The following ERGIC1 variants were observed in gnomAD, a reference collection of about 807,000 sequenced individuals.
ERGIC1 encodes the protein endoplasmic reticulum-golgi intermediate compartment 1, also known as endoplasmic reticulum-Golgi intermediate compartment protein 1.
ERGIC1 carries 19 observed loss-of-function variants against 38.3 expected under a neutral mutation model. The observed-to-expected ratio is 0.50, with a 90% CI of 0.35 to 0.73. The LOEUF (loss-of-function observed/expected upper bound fraction) is 0.73. Among genes scored for constraint, ERGIC1 ranks in the 30% least tolerant of loss-of-function variants. The probability of loss-of-function intolerance (pLI) is 0.01; values close to 1 mark genes in which losing one functional copy is unlikely to be tolerated. For synonymous variants in ERGIC1, 124 were observed against 157.6 expected (o/e 0.79, Z 1.60); for missense variants, 294 against 389.2 (o/e 0.76, Z 2.06).
At chr5:172,914,974 G>A in intron 5 of ERGIC1, 136 bp downstream of exon 5, 1 of 1,394,422 alleles carries the variant, frequency 7.2e-7, no homozygotes, top group Non-Finnish European at 1.0e-6. Context: ...TTCGTGTCCA[G>A]CTGCCTGGCC....
At chr5:172,895,962 C>A (rs187337094) in intron 2 of ERGIC1, among the ~76,000 whole-genome samples, 83 of 152,168 alleles carry the variant, frequency 5.5e-4, no homozygotes, top group African/African-American at 2.0e-3. Flanking sequence ...GGTCCACAAA[C>A]CCCAGTGTCT....
chr5:172,840,215 G>A (rs1761128657), intron 1 of ERGIC1, among the ~76,000 whole-genome samples: 1 of 152,166 alleles, frequency 6.6e-6, no homozygotes, highest in Non-Finnish European at 1.5e-5. Context: ...GCGGGGACAT[G>A]GAATGAGATG....
At chr5:172,870,199 C>T (rs1181155895) in intron 1 of ERGIC1, among the ~76,000 whole-genome samples, 1 of 152,170 alleles carries the variant, frequency 6.6e-6, no homozygotes, top group South Asian at 2.1e-4. Flanking sequence ...CTTTGCTTTG[C>T]GTATTATTTT....
rs34909688 is a variant in ERGIC1, at chr5:172,877,410, ATGTGTGTGTGTG to A, written c.21-11269_21-11258del. On this transcript the variant is annotated intron_variant, in intron 1 of 9. Transcript: ENST00000393784. ...AAATTTATCTCTAAATATTATATAT[ATGTGTGTGTGTG>A]TGTGTGTGTGTGTGTGTGTATATAT... Among the ~76,000 whole-genome samples, 449 of 102,346 alleles carry A rather than the reference ATGTGTGTGTGTG, an allele frequency of 4.4e-3. 3 individuals are homozygous for A. The highest frequency in any genetic ancestry group is 7.0e-3 in the Non-Finnish European group (376 of 53,642). The allele number at this position is 102,346 out of a possible 152,430, so 67.1% of individuals were successfully genotyped here. A position where few individuals can be genotyped will look rare whatever the true frequency, so the allele number is the denominator to read the frequency against.
intron 3 of ERGIC1, chr5:172,898,260 G>A (rs1762775701): frequency 5.8e-6 from 1 of 173,548 alleles, no homozygotes; most frequent in African/African-American, 2.4e-5. Flanking sequence ...CATTATACAA[G>A]CATTACCACC....
intron 1 of ERGIC1, among the ~76,000 whole-genome samples, chr5:172,856,023 A>G (rs1581514914): frequency 1.3e-5 from 2 of 152,352 alleles, no homozygotes; most frequent in Admixed American, 1.3e-4. Flanking sequence ...TTATTAAATC[A>G]TAAGTCACAT....
At chr5:172,929,297 T>C (rs1483183533) in intron 7 of ERGIC1, among the ~76,000 whole-genome samples, 1 of 152,084 alleles carries the variant, frequency 6.6e-6, no homozygotes, top group Non-Finnish European at 1.5e-5. Context: ...ATTGCTGAAG[T>C]TGGGAAATGG....
intron 4 of ERGIC1, among the ~76,000 whole-genome samples, chr5:172,910,599 A>T (rs1006176799): frequency 1.4e-5 from 2 of 145,384 alleles, no homozygotes; most frequent in Non-Finnish European, 3.0e-5. Flanking sequence ...ATCTTGGCTC[A>T]CTGCAACCTC....
intron 1 of ERGIC1, among the ~76,000 whole-genome samples, chr5:172,842,941 C>T (rs530868903): frequency 1.3e-5 from 2 of 152,086 alleles, no homozygotes; most frequent in African/African-American, 2.4e-5. Context: ...GTCAGGAGTT[C>T]GAGACCAACC....
In ERGIC1 at chr5:172,926,775, G is replaced by A. The variant is rs1763660905; in HGVS notation, c.541+206G>A. On this transcript the variant is annotated intron_variant, in intron 7 of 9. Transcript: ENST00000393784. This position sits in a 1 kb window ranked among gnomAD's most constrained non-coding sequence, Gnocchi z 5.2. ...CAGACCCTGATGGAGAAGGAAGAAG[G>A]CTTGTCCCGGGGCACAGCAGACGCA... The A allele has an allele frequency of 1.7e-6, 1 of 597,298 alleles. No homozygotes were observed. The highest frequency in any genetic ancestry group is 2.0e-5 in the South Asian group (1 of 50,020). The allele number at this position is 597,298 out of a possible 1,614,324, so 37.0% of individuals were successfully genotyped here. A position where few individuals can be genotyped will look rare whatever the true frequency, so the allele number is the denominator to read the frequency against.
chr5:172,927,997 A>T (rs1046303325), intron 7 of ERGIC1, among the ~76,000 whole-genome samples: 3 of 152,136 alleles, frequency 2.0e-5, no homozygotes, highest in Non-Finnish European at 2.9e-5. Context: ...AGCAACGGAT[A>T]AGTATACGGC....
chr5:172,924,036 G>C lies in ERGIC1; in HGVS notation c.407G>C (p.Ser136Thr), dbSNP rs201269025. 4.3e-6 allele frequency: 7 copies of C among 1,614,228 alleles called. No individual in the cohort carries two copies. The highest frequency in any genetic ancestry group is 5.9e-6 in the Non-Finnish European group (7 of 1,180,044). Reference protein sequence around the residue: ...VPGNFHVSTHSATAQPQNPDM... With the variant: ...VPGNFHVSTHTATAQPQNPDM... ...GGCAACTTCCACGTGTCCACACACAGTGCCACAGCCCAGCCACAGAACCCA... is the reference window on the plus strand; with the variant it reads ...GGCAACTTCCACGTGTCCACACACACTGCCACAGCCCAGCCACAGAACCCA... The change falls in exon 6 of 10, where the codon AGT becomes ACT. Residue 136 changes from serine to threonine, a missense_variant. Around this residue, in one of 3 missense-constraint regions of ERGIC1, gnomAD observed 163 missense variants for 225.8 expected, o/e 0.72. Transcript: ENST00000393784.
chr5:172,857,335 C>T (rs995138707), intron 1 of ERGIC1, among the ~76,000 whole-genome samples: 1 of 152,100 alleles, frequency 6.6e-6, no homozygotes, highest in African/African-American at 2.4e-5. Flanking sequence ...TTGCCATGCA[C>T]CATCCTTCCT....
chr5:172,888,791 GC>G (rs1446052754), intron 2 of ERGIC1, 31 bp downstream of exon 2: 3 of 1,597,266 alleles, frequency 1.9e-6, no homozygotes, highest in East Asian at 2.2e-5. Flanking sequence ...CATGCCCTCT[GC>G]CCCATCTCCA....
At chr5:172,908,964 T>C (rs1763131248) in intron 3 of ERGIC1, among the ~76,000 whole-genome samples, 1 of 152,168 alleles carries the variant, frequency 6.6e-6, no homozygotes, top group Admixed American at 6.5e-5. Context: ...TGATCCCTTA[T>C]AAGACCCCTA....
In ERGIC1 at chr5:172,892,588, A is replaced by C. The variant is rs564020643; in HGVS notation, c.82+3828A>C. On this transcript the variant is annotated intron_variant, in intron 2 of 9. Transcript: ENST00000393784. ...AGCCTTCTCCTGGGGTCACATTCCT[A>C]CTGTCCGATGCCTGAGTCAGTTTCA... is the stretch of plus-strand genomic sequence containing the variant. 9.2e-5 allele frequency among the ~76,000 whole-genome samples: 14 copies of C among 152,128 alleles called. No individual in the cohort carries two copies. In the South Asian group the frequency reaches 2.9e-3, roughly 32 times the overall value.
chr5:172,858,656 G>A (rs745419161), intron 1 of ERGIC1, among the ~76,000 whole-genome samples: 3 of 152,224 alleles, frequency 2.0e-5, no homozygotes, highest in East Asian at 1.9e-4. Context: ...CTGAGGACAC[G>A]AGGAAAAGGC....
chr5:172,858,134 T>C (rs1173290917), intron 1 of ERGIC1, among the ~76,000 whole-genome samples: 1 of 152,176 alleles, frequency 6.6e-6, no homozygotes, highest in Admixed American at 6.5e-5. Context: ...ATTTGACGGC[T>C]GTCTGAAAGG....
intron 2 of ERGIC1, among the ~76,000 whole-genome samples, chr5:172,895,151 A>T (rs991517955): frequency 1.8e-4 from 28 of 152,214 alleles, no homozygotes; most frequent in African/African-American, 6.3e-4. Context: ...AATGTGTTGA[A>T]TCACTTTCCC....
Sources: allele counts gnomAD v4.1 joint callset (sites outside exome capture counted in the v4.1 genomes callset), GRCh38; gene constraint gnomAD v4.1.1; regional missense constraint gnomAD v4.1.1; non-coding constraint Gnocchi (gnomAD v3.1); transcripts MANE v1.5; gene names NCBI Gene and HGNC (gene_info 2026-07-23, HGNC 2026-07-21).